Variants in ADAM32 observed in about 807,000 individuals in gnomAD.
The protein encoded by ADAM32 is disintegrin and metalloproteinase domain-containing protein 32.
ADAM32 carries 89 observed loss-of-function variants against 114.9 expected under a neutral mutation model. That is an observed-to-expected ratio of 0.77 (90% CI 0.65 to 0.92). The LOEUF is 0.92. Ranked by LOEUF, ADAM32 falls within the 40% of genes least tolerant of loss-of-function variation. ADAM32 has a pLI of 0.00. For missense variants in ADAM32, 870 were observed against 932.8 expected, an observed-to-expected ratio of 0.93 and a Z score of 0.88; for synonymous variants, 285 against 307.5, an observed-to-expected ratio of 0.93 and a Z score of 0.77.
At chr8:39,163,190 A>G (rs1804617790) in intron 7 of ADAM32, among the ~76,000 whole-genome samples, 1 of 152,194 alleles carries the variant, frequency 6.6e-6, no homozygotes, top group Non-Finnish European at 1.5e-5. Flanking sequence ...GTTATACTAT[A>G]AGAGCATCCA....
At chr8:39,272,920 G>A (rs776772935) in intron 20 of ADAM32, among the ~76,000 whole-genome samples, 23 of 151,622 alleles carry the variant, frequency 1.5e-4, no homozygotes, top group Non-Finnish European at 2.7e-4. Flanking sequence ...TATCTTTATC[G>A]GCTTTTTTGT....
At chr8:39,178,105 T>C (rs1805636629) in intron 10 of ADAM32, among the ~76,000 whole-genome samples, 1 of 152,208 alleles carries the variant, frequency 6.6e-6, no homozygotes. Flanking sequence ...TCCTGAAGTA[T>C]GTTTTCCAAC....
At chr8:39,199,148 T>A (rs991210214) in intron 11 of ADAM32, among the ~76,000 whole-genome samples, 1 of 152,190 alleles carries the variant, frequency 6.6e-6, no homozygotes, top group Non-Finnish European at 1.5e-5. Flanking sequence ...ATTCTCTCTT[T>A]GTTTTTGAAT....
intron 17 of ADAM32, 63 bp downstream of exon 17, chr8:39,246,229 T>C (rs1349952499): frequency 6.7e-7 from 1 of 1,487,516 alleles, no homozygotes; most frequent in Non-Finnish European, 9.3e-7. Context: ...CACTCATTAA[T>C]TTACTGACAT....
intron 1 of ADAM32, among the ~76,000 whole-genome samples, chr8:39,113,379 G>T (rs1451970121): frequency 1.3e-5 from 2 of 152,170 alleles, no homozygotes; most frequent in South Asian, 2.1e-4. Flanking sequence ...ACTTGCTGCA[G>T]ATTCTTCTCT....
At chr8:39,255,713 A>T (rs1302586768) in intron 18 of ADAM32, among the ~76,000 whole-genome samples, 3 of 152,086 alleles carry the variant, frequency 2.0e-5, no homozygotes, top group Admixed American at 6.6e-5. Flanking sequence ...TTTGCTTCGC[A>T]GAAGCTTTTA....
At chr8:39,192,272 CCTT>C (rs1806660953) in intron 11 of ADAM32, among the ~76,000 whole-genome samples, 2 of 152,000 alleles carry the variant, frequency 1.3e-5, no homozygotes, top group South Asian at 4.1e-4. Context: ...TATGTAATGC[CCTT>C]CTTTGTCTTT....
chr8:39,255,520 A>G (rs145482901), intron 18 of ADAM32, among the ~76,000 whole-genome samples: 4,128 of 152,086 alleles, frequency 0.027, 214 homozygotes, highest in African/African-American at 0.094. Flanking sequence ...GGCCATTTGT[A>G]TATCTTCTTT....
At chr8:39,260,721 T>A (rs769710460) in intron 19 of ADAM32, among the ~76,000 whole-genome samples, 2 of 152,144 alleles carry the variant, frequency 1.3e-5, no homozygotes, top group Non-Finnish European at 2.9e-5. Flanking sequence ...TCTTTTGTAA[T>A]GTCCTTGTCT....
intron 18 of ADAM32, 23 bp from the exon 19 acceptor site, chr8:39,257,164 T>G (rs774688859): frequency 2.8e-5 from 43 of 1,518,994 alleles, no homozygotes; most frequent in East Asian, 9.3e-5. Flanking sequence ...TTTGTTTTTT[T>G]TTTTTTGTAT....
chr8:39,132,112 C>T lies in ADAM32; in HGVS notation c.139-4545C>T, dbSNP rs1364037910. On this transcript the variant is annotated intron_variant, in intron 2 of 24. Coordinates refer to ENST00000379907, the MANE Select transcript of ADAM32 (RefSeq NM_145004.7). Reference sequence around the variant, plus strand: ...TTCTGCATGTTGGTCAGGCTGATCTCGAACTCCCGACCTCAGGTGATCCGC... The same window carrying T: ...TTCTGCATGTTGGTCAGGCTGATCTTGAACTCCCGACCTCAGGTGATCCGC... The T allele has an allele frequency of 2.3e-5, 4 of 170,706 alleles. No individual in the cohort carries two copies. The South Asian group carries it at 3.0e-4, about 13-fold the overall frequency. The allele number at this position is 170,706 out of a possible 1,614,324, so 10.6% of individuals were successfully genotyped here.
chr8:39,135,556 C>A lies in ADAM32; in HGVS notation c.139-1101C>A, dbSNP rs143664487. 4.2e-3 allele frequency among the ~76,000 whole-genome samples: 641 copies of A among 152,214 alleles called. 4 individuals are homozygous for A. Among genetic ancestry groups the A allele is most frequent in the South Asian group, 0.018 (89 of 4,818 alleles). On this transcript the variant is annotated intron_variant, in intron 2 of 24. Coordinates refer to ENST00000379907, the MANE Select transcript of ADAM32 (RefSeq NM_145004.7). ...ACAAGAAATTAGTATTGATACATTA[C>A]TAGTAAGGAAACTACTTTCTTTGGA... is the stretch of plus-strand genomic sequence containing the variant.
chr8:39,209,506 C>T (rs1808068495), intron 11 of ADAM32, among the ~76,000 whole-genome samples: 2 of 152,128 alleles, frequency 1.3e-5, no homozygotes. Context: ...TTGATGGGAT[C>T]ATATTTTCCT....
intron 2 of ADAM32, among the ~76,000 whole-genome samples, chr8:39,118,676 A>T (rs114094053): frequency 3.7e-4 from 56 of 152,134 alleles, no homozygotes; most frequent in South Asian, 1.7e-3. Context: ...TAGGAGATTT[A>T]AAAAAAAGAA....
chr8:39,269,940 G>A (rs574295780), intron 19 of ADAM32, among the ~76,000 whole-genome samples: 2 of 152,326 alleles, frequency 1.3e-5, no homozygotes, highest in African/African-American at 4.8e-5. Flanking sequence ...GGGAAGCAAG[G>A]CACCTTCTTC....
intron 2 of ADAM32, 43 bp from the exon 3 acceptor site, chr8:39,136,614 G>C: frequency 2.4e-6 from 3 of 1,272,802 alleles, no homozygotes; most frequent in African/African-American, 1.5e-5. Context: ...TTTGCTTCTT[G>C]TATTAAATTT....
chr8:39,211,176 G>A lies in ADAM32; in HGVS notation c.1085G>A (p.Cys362Tyr), dbSNP rs757601611. The A allele has an allele frequency of 1.4e-5, 22 of 1,601,548 alleles. No individual in the cohort carries two copies. The East Asian group carries it at 3.6e-4, about 26-fold the overall frequency. Reference sequence around the variant, plus strand: ...AATGGTGTGAAGACTTTTAGCAGTTGCAGTTTGAGGAGCTTTCAAAATTTC... The same window carrying A: ...AATGGTGTGAAGACTTTTAGCAGTTACAGTTTGAGGAGCTTTCAAAATTTC... Reference protein sequence around the residue: ...QSNGVKTFSSCSLRSFQNFIS... With the variant: ...QSNGVKTFSSYSLRSFQNFIS... Residue 362 changes from cysteine (C) to tyrosine (Y), a missense_variant, in exon 12 of 25, where the codon TGC becomes TAC. Physicochemically the swap from Cys to Tyr is radical, Grantham distance 194 (BLOSUM62 -2). Coordinates refer to ENST00000379907, the MANE Select transcript of ADAM32 (RefSeq NM_145004.7).
intron 6 of ADAM32, chr8:39,157,690 C>A: frequency 1.1e-6 from 1 of 870,450 alleles, no homozygotes; most frequent in East Asian, 2.8e-5. Context: ...TGGTCTGCAT[C>A]AAGACTTGTG....
intron 10 of ADAM32, among the ~76,000 whole-genome samples, chr8:39,174,392 A>G (rs1805382920): frequency 6.6e-6 from 1 of 152,046 alleles, no homozygotes; most frequent in Non-Finnish European, 1.5e-5. Flanking sequence ...GAAGTTGGGT[A>G]GCATGATGCT....
Sources: allele counts gnomAD v4.1 joint callset (sites outside exome capture counted in the v4.1 genomes callset), GRCh38; gene constraint gnomAD v4.1.1; transcripts MANE v1.5; gene names NCBI Gene and HGNC (gene_info 2026-07-23, HGNC 2026-07-21).